Variants in SNTG1 observed in about 807,000 individuals in gnomAD.
SNTG1 encodes gamma-1-syntrophin.
SNTG1 carries 39 observed loss-of-function variants against 74.7 expected under a neutral mutation model. The ratio of observed to expected loss-of-function variants is 0.52; its 90% CI spans 0.40 to 0.68. The LOEUF (loss-of-function observed/expected upper bound fraction) is 0.68, where lower values mean the gene tolerates loss of function less well. Among genes scored for constraint, SNTG1 ranks in the 30% least tolerant of loss-of-function variants. The probability of loss-of-function intolerance (pLI) is 0.00; values close to 1 mark genes in which losing one functional copy is unlikely to be tolerated. For synonymous variants in SNTG1, 254 were observed against 217.1 expected, an observed-to-expected ratio of 1.17 and a Z score of -1.49; for missense variants, 685 against 609.5, an observed-to-expected ratio of 1.12 and a Z score of -1.30.
intron 10 of SNTG1, among the ~76,000 whole-genome samples, chr8:50,536,034 GA>G (rs1397197765): frequency 6.6e-6 from 1 of 152,012 alleles, no homozygotes; most frequent in Non-Finnish European, 1.5e-5. Flanking sequence ...ATATATAAAG[GA>G]AGAAAAAAGC....
chr8:50,518,900 T>C (rs1364007134), intron 9 of SNTG1, among the ~76,000 whole-genome samples: 2 of 152,142 alleles, frequency 1.3e-5, no homozygotes, highest in Non-Finnish European at 2.9e-5. Flanking sequence ...CACCATTCCT[T>C]CTGAAACTAT....
intron 2 of SNTG1, among the ~76,000 whole-genome samples, chr8:50,269,137 A>G (rs1482893197): frequency 6.6e-6 from 1 of 152,240 alleles, no homozygotes; most frequent in African/African-American, 2.4e-5. Flanking sequence ...AAACTATTCA[A>G]CTTAAAGAAA....
chr8:50,361,780 A>T (rs1421829534), intron 2 of SNTG1, among the ~76,000 whole-genome samples: 5 of 152,162 alleles, frequency 3.3e-5, no homozygotes, highest in African/African-American at 1.2e-4. Context: ...TACATGAGAT[A>T]GTCTATTGTT....
intron 17 of SNTG1, among the ~76,000 whole-genome samples, chr8:50,726,222 C>T (rs1223041523): frequency 6.6e-6 from 1 of 152,142 alleles, no homozygotes; most frequent in African/African-American, 2.4e-5. Context: ...ATAATCTTCT[C>T]ATCAATATCA....
At chr8:50,047,142 C>G (rs532386809) in intron 1 of SNTG1, among the ~76,000 whole-genome samples, 56 of 152,034 alleles carry the variant, frequency 3.7e-4, no homozygotes, top group Non-Finnish European at 2.8e-4. Flanking sequence ...CTCAGGAGAC[C>G]AACCTGGACA....
intron 1 of SNTG1, among the ~76,000 whole-genome samples, chr8:50,095,467 G>A (rs1175870179): frequency 6.6e-6 from 1 of 152,136 alleles, no homozygotes; most frequent in African/African-American, 2.4e-5. Context: ...AGGTCAGGTG[G>A]CCTATTGAGG....
At chr8:49,914,144 A>G (rs558691201) in intron 1 of SNTG1, among the ~76,000 whole-genome samples, 1 of 152,298 alleles carries the variant, frequency 6.6e-6, no homozygotes, top group South Asian at 2.1e-4. Context: ...CTCTAATTGT[A>G]AAGTAGATAG....
At chr8:50,412,753 A>G (rs1247141229) in intron 4 of SNTG1, among the ~76,000 whole-genome samples, 1 of 152,166 alleles carries the variant, frequency 6.6e-6, no homozygotes, top group Non-Finnish European at 1.5e-5. Context: ...AAGCAGACAA[A>G]AAGTGTATGC....
chr8:50,116,759 G>T (rs1586348811), intron 1 of SNTG1, among the ~76,000 whole-genome samples: 1 of 152,106 alleles, frequency 6.6e-6, no homozygotes, highest in Middle Eastern at 3.2e-3. Context: ...CTTGAGGAGT[G>T]CAGGGGCTGC....
rs192749429 is a variant in SNTG1 at position 50,433,778 on chromosome 8, G to A, written c.163-4765G>A. 2.6e-3 allele frequency among the ~76,000 whole-genome samples: 390 copies of A among 152,234 alleles called. 4 individuals are homozygous for A. The highest frequency in any genetic ancestry group is 8.4e-4 in the Non-Finnish European group (57 of 68,010). ...GTGCTTGTGAGATAACTTTGTGTAA[G>A]ACATAGGTCCAGCTCTCAGAAAACT... is the stretch of plus-strand genomic sequence containing the variant. On this transcript the variant is annotated intron_variant, in intron 4 of 18. Transcript: ENST00000642720.
intron 1 of SNTG1, among the ~76,000 whole-genome samples, chr8:50,053,285 T>G (rs1226678903): frequency 6.6e-6 from 1 of 152,124 alleles, no homozygotes; most frequent in Non-Finnish European, 1.5e-5. Context: ...TATAACATGG[T>G]GAAACCTCAT....
intron 9 of SNTG1, among the ~76,000 whole-genome samples, chr8:50,522,310 G>GGT (rs141800738): frequency 1.3e-4 from 19 of 151,616 alleles, no homozygotes; most frequent in African/African-American, 3.4e-4. Context: ...TGTGTTTCAG[G>GGT]GTGTGTGTGT....
At chr8:50,089,005 A>G (rs924384939) in intron 1 of SNTG1, among the ~76,000 whole-genome samples, 5 of 151,788 alleles carry the variant, frequency 3.3e-5, no homozygotes, top group African/African-American at 9.7e-5. Flanking sequence ...ACTTCAAACT[A>G]TACTACAAGG....
chr8:50,613,590 TTTAA>T (rs2094866053), intron 13 of SNTG1, among the ~76,000 whole-genome samples: 1 of 152,166 alleles, frequency 6.6e-6, no homozygotes, highest in South Asian at 2.1e-4. Context: ...ATCATTTACA[TTTAA>T]TTAATCTGCT....
At chr8:50,744,064 T>C (rs559909491) in intron 17 of SNTG1, among the ~76,000 whole-genome samples, 24 of 152,044 alleles carry the variant, frequency 1.6e-4, no homozygotes, top group African/African-American at 4.8e-4. Flanking sequence ...GCCCAAGCCA[T>C]TCGTGGGTGC....
At chr8:50,509,622 G>A (rs1420806693) in intron 9 of SNTG1, among the ~76,000 whole-genome samples, 1 of 151,900 alleles carries the variant, frequency 6.6e-6, no homozygotes, top group Non-Finnish European at 1.5e-5. Flanking sequence ...TCCTTGAAGA[G>A]GTCCTTCACA....
intron 18 of SNTG1, among the ~76,000 whole-genome samples, chr8:50,780,122 T>C (rs575713019): frequency 1.5e-4 from 23 of 152,332 alleles, no homozygotes; most frequent in Non-Finnish European, 3.1e-4. Flanking sequence ...TTATTGAGGA[T>C]TTTTGCATCA....
chr8:50,178,613 A>G (rs917738724), intron 2 of SNTG1, among the ~76,000 whole-genome samples: 3 of 151,940 alleles, frequency 2.0e-5, no homozygotes, highest in Non-Finnish European at 4.4e-5. Context: ...GCAAAATCAA[A>G]CCTATAGTTG....
chr8:50,589,724 C>A (rs1414199342), intron 12 of SNTG1, among the ~76,000 whole-genome samples: 1 of 152,004 alleles, frequency 6.6e-6, no homozygotes, highest in East Asian at 1.9e-4. Flanking sequence ...TAGATTTCCA[C>A]AAAGTACTCA....
Sources: gnomAD v4.1 joint callset for allele counts (sites outside exome capture counted in the v4.1 genomes callset) on GRCh38, gnomAD v4.1.1 for gene constraint, MANE v1.5 for transcripts, NCBI Gene and HGNC (gene_info 2026-07-23, HGNC 2026-07-21) for gene names.